The following LTA4H variants were observed in gnomAD, a reference collection of about 807,000 sequenced individuals.
LTA4H encodes leukotriene A4 hydrolase.
A neutral mutation model predicts 89.8 loss-of-function variants in LTA4H; 59 were observed. The ratio of observed to expected loss-of-function variants is 0.66; its 90% confidence interval spans 0.53 to 0.82. LTA4H has a LOEUF of 0.82. Ranked by LOEUF, LTA4H falls within the 40% of genes least tolerant of loss-of-function variation. The pLI is 0.00. For missense variants in LTA4H, 617 were observed against 727.0 expected (o/e 0.85, Z 1.74); for synonymous variants, 227 against 253.1 (o/e 0.90, Z 0.98).
chr12:96,019,142 T>C (rs1020256140), intron 7 of LTA4H, 26 bp downstream of exon 7: 16 of 1,591,118 alleles, frequency 1.0e-5, no homozygotes, highest in Non-Finnish European at 1.4e-5. Context: ...ATCACAATGA[T>C]TACAAAGGAT....
At chr12:96,001,838 CTTAT>C (rs1341985192) in intron 18 of LTA4H, among the ~76,000 whole-genome samples, 7 of 151,910 alleles carry the variant, frequency 4.6e-5, no homozygotes, top group African/African-American at 1.4e-4. Flanking sequence ...AAGGTATACT[CTTAT>C]TTATTTTATT....
intron 8 of LTA4H, among the ~76,000 whole-genome samples, 168 bp from the exon 9 acceptor site, chr12:96,017,748 C>A (rs1950398603): frequency 6.6e-6 from 1 of 152,112 alleles, no homozygotes; most frequent in African/African-American, 2.4e-5. Context: ...AAAAAAAATA[C>A]AGAACTAAAA....
chr12:96,002,588 G>A (rs1385158258), intron 18 of LTA4H, among the ~76,000 whole-genome samples: 16 of 152,080 alleles, frequency 1.1e-4, no homozygotes, highest in Non-Finnish European at 2.2e-4. Context: ...ACACAAAAGA[G>A]TTAGCTTTAT....
chr12:96,035,632 C>A (rs1012703919), upstream of LTA4H: 106 of 1,440,206 alleles, frequency 7.4e-5, no homozygotes, highest in Non-Finnish European at 9.4e-5. Flanking sequence ...AGGAGGGATT[C>A]GCGGTGCACG....
At chr12:96,042,228 C>G (rs931854200) in intron 1 of LTA4H, among the ~76,000 whole-genome samples, 2 of 152,034 alleles carry the variant, frequency 1.3e-5, no homozygotes, top group South Asian at 4.2e-4. Flanking sequence ...GTCTCGAGCT[C>G]CTGAGCTCAA....
intron 10 of LTA4H, among the ~76,000 whole-genome samples, chr12:96,016,334 G>T (rs1045298846): frequency 5.3e-5 from 8 of 151,292 alleles, no homozygotes; most frequent in Non-Finnish European, 8.8e-5. Flanking sequence ...TTGTTGGCTG[G>T]GCGTGGCGGC....
intron 2 of LTA4H, among the ~76,000 whole-genome samples, chr12:96,028,663 T>C (rs1335695563): frequency 6.6e-6 from 1 of 152,234 alleles, no homozygotes; most frequent in Non-Finnish European, 1.5e-5. Context: ...ATCTTTGGCA[T>C]TATCATTGTC....
chr12:96,027,641 A>C, intron 2 of LTA4H, 77 bp from the exon 3 acceptor site: 1 of 817,348 alleles, frequency 1.2e-6, no homozygotes, highest in Non-Finnish European at 1.9e-6. Flanking sequence ...ACATACACTG[A>C]ATAATATAAA....
At chr12:96,033,698 T>C (rs193043657) in intron 1 of LTA4H, among the ~76,000 whole-genome samples, 4 of 152,304 alleles carry the variant, frequency 2.6e-5, no homozygotes, top group Admixed American at 2.6e-4. Flanking sequence ...CCTAATGCTA[T>C]CCCTCCCCTA....
At chr12:96,029,328 T>C (rs2136914658) in intron 1 of LTA4H, 143 bp from the exon 2 acceptor site, 1 of 463,482 alleles carries the variant, frequency 2.2e-6, no homozygotes, top group Non-Finnish European at 3.7e-6. Context: ...CAAAAGCTAG[T>C]CTAGGTCTCA....
rs146423147 is a variant in LTA4H, at chr12:96,035,436, G to C, written c.84C>G (p.Val28=). The C allele has an allele frequency of 6.2e-7, 1 of 1,610,172 alleles. No homozygotes were observed. Among genetic ancestry groups the C allele is most frequent in the Non-Finnish European group, 8.5e-7 (1 of 1,178,432 alleles). ...CGGTCAGCGTCCGGCGAGTAAAGTC[G>C]ACGCTGCAGCGCAGGTGCAGGTGCT... ...RTKHLHLRCS[V]DFTRRTLTGT... is the part of the protein sequence containing the mutation. Residue 28 remains valine (V), a synonymous_variant, in exon 1 of 19, where the codon GTC becomes GTG. Transcript: ENST00000228740.
At chr12:96,007,891 A>G (rs1393977372) in intron 15 of LTA4H, among the ~76,000 whole-genome samples, 1 of 152,142 alleles carries the variant, frequency 6.6e-6, no homozygotes, top group African/African-American at 2.4e-5. Context: ...TACACAAAAC[A>G]GGTTTTAAAA....
intron 1 of LTA4H, among the ~76,000 whole-genome samples, chr12:96,041,995 T>C (rs1180981072): frequency 8.8e-5 from 13 of 148,402 alleles, no homozygotes; most frequent in Non-Finnish European, 1.9e-4. Flanking sequence ...TCTTTTTTTT[T>C]TTTTTTTTGA....
intron 1 of LTA4H, among the ~76,000 whole-genome samples, chr12:96,029,967 G>C (rs576759490): frequency 6.6e-6 from 1 of 152,116 alleles, no homozygotes; most frequent in East Asian, 1.9e-4. Context: ...TAAACTCCAA[G>C]GGAGTTTTTG....
upstream of LTA4H, chr12:96,035,753 G>T: frequency 1.8e-6 from 2 of 1,082,208 alleles, no homozygotes; most frequent in Non-Finnish European, 2.5e-6. Context: ...GGGAGCGTGT[G>T]TGTTAGGGAT....
rs764318282 is a variant in LTA4H at position 96,035,357 on chromosome 12, G to C, written c.159+4C>G. 2 of 1,602,936 alleles carry C rather than the reference G, an allele frequency of 1.2e-6. No homozygotes were observed. The highest frequency in any genetic ancestry group is 2.7e-5 in the African/African-American group (2 of 74,694). ...GCGGGCACTGGGCAGGCGCCCCACT[G>C]TACCAGGCTGCGCAGATTGTCCTCC... is the stretch of plus-strand genomic sequence containing the variant. On this transcript the variant is annotated splice_donor_region_variant and intron_variant, in intron 1 of 18. Transcript: ENST00000228740.
chr12:96,025,411 A>G (rs1262535100), intron 3 of LTA4H: 2 of 152,246 alleles, frequency 1.3e-5, no homozygotes, highest in Non-Finnish European at 2.9e-5. Context: ...CCTTGTAAGT[A>G]AAACAAAGAA....
chr12:96,009,327 C>A (rs1950258864), intron 14 of LTA4H, 179 bp from the exon 15 acceptor site: 1 of 567,756 alleles, frequency 1.8e-6, no homozygotes, highest in Non-Finnish European at 3.1e-6. Flanking sequence ...CATCCAAGAA[C>A]TCACAAACCC....
chr12:96,004,756 G>A (rs1329871319), intron 16 of LTA4H, among the ~76,000 whole-genome samples: 1 of 152,076 alleles, frequency 6.6e-6, no homozygotes, highest in African/African-American at 2.4e-5. Flanking sequence ...TAGTCCATTA[G>A]CCCCTTATGG....
Sources: allele counts gnomAD v4.1 joint callset (sites outside exome capture counted in the v4.1 genomes callset), GRCh38; gene constraint gnomAD v4.1.1; transcripts MANE v1.5; gene names NCBI Gene and HGNC (gene_info 2026-07-23, HGNC 2026-07-21).